Variants in VMP1 observed in about 807,000 individuals in gnomAD.
The protein encoded by VMP1 is vacuole membrane protein 1, also known as ectopic P-granules autophagy protein 3 homolog.
In VMP1, 11 loss-of-function variants were observed where a neutral mutation model predicts 56.0. The observed-to-expected ratio is 0.20, with a 90% CI of 0.12 to 0.32. The LOEUF is 0.32. VMP1 is among the 10% of genes least tolerant of loss of function. The pLI is 1.00. For missense variants in VMP1, 296 were observed against 490.3 expected, an observed-to-expected ratio of 0.60 and a Z score of 3.74; for synonymous variants, 149 against 165.0, an observed-to-expected ratio of 0.90 and a Z score of 0.74.
At chr17:59,762,885 A>T (rs1166930554) in intron 5 of VMP1, among the ~76,000 whole-genome samples, 1 of 152,208 alleles carries the variant, frequency 6.6e-6, no homozygotes, top group Non-Finnish European at 1.5e-5. Context: ...CTGTTAGGAT[A>T]CATTTTTTAT....
chr17:59,735,678 A>G (rs1248578470), intron 3 of VMP1: 4 of 547,442 alleles, frequency 7.3e-6, no homozygotes, highest in Non-Finnish European at 1.3e-5. Context: ...CTGTTTGCTT[A>G]CTGGATTATC....
chr17:59,794,094 G>A (rs2037341144), intron 7 of VMP1, among the ~76,000 whole-genome samples: 1 of 147,078 alleles, frequency 6.8e-6, no homozygotes, highest in South Asian at 2.2e-4. Flanking sequence ...CTAATTTTTT[G>A]TATTTTTAGT....
chr17:59,803,876 A>G (rs1481300494), intron 7 of VMP1, among the ~76,000 whole-genome samples: 1 of 152,080 alleles, frequency 6.6e-6, no homozygotes, highest in Non-Finnish European at 1.5e-5. Context: ...ATTTGTACTC[A>G]GCTTTTTTAT....
At chr17:59,742,531 T>TAATAATAATAATAAA (rs2143855246) in intron 5 of VMP1, among the ~76,000 whole-genome samples, 1 of 147,922 alleles carries the variant, frequency 6.8e-6, no homozygotes, top group South Asian at 2.1e-4. Flanking sequence ...ACAATAATAA[T>TAATAATAATAATAAA]AATAATAATA....
At chr17:59,744,397 G>A (rs1259277005) in intron 5 of VMP1, among the ~76,000 whole-genome samples, 1 of 149,948 alleles carries the variant, frequency 6.7e-6, no homozygotes, top group African/African-American at 2.5e-5. Context: ...AGGAGGTGGA[G>A]GTTGCAGTGA....
chr17:59,737,414 G>C, intron 3 of VMP1, 39 bp from the exon 4 acceptor site: 1 of 1,578,094 alleles, frequency 6.3e-7, no homozygotes, highest in Non-Finnish European at 8.6e-7. Context: ...TGCTGAAAGT[G>C]AGACTGTGAG....
chr17:59,809,107 C>T (rs1276691355), intron 8 of VMP1, among the ~76,000 whole-genome samples: 2 of 150,938 alleles, frequency 1.3e-5, no homozygotes, highest in Non-Finnish European at 2.9e-5. Context: ...TCAAGCAATT[C>T]TCCTGTCTCA....
intron 7 of VMP1, among the ~76,000 whole-genome samples, chr17:59,784,416 C>T (rs1009478282): frequency 1.3e-5 from 2 of 152,002 alleles, no homozygotes; most frequent in Non-Finnish European, 2.9e-5. Context: ...CCTTCCTACC[C>T]CTACCTCACC....
chr17:59,841,090 C>T lies in VMP1; in HGVS notation c.*1179C>T. The T allele has an allele frequency of 2.3e-5, 4 of 172,406 alleles. No homozygotes were observed. Among genetic ancestry groups the T allele is most frequent in the Admixed American group, 6.1e-5 (1 of 16,370 alleles). 10.7% of individuals were successfully genotyped at this position (172,406 alleles called of 1,614,324 possible). A position where few individuals can be genotyped will look rare whatever the true frequency, so the allele number is the denominator to read the frequency against. On this transcript the variant is annotated 3_prime_UTR_variant, in exon 12 of 12. Coordinates refer to ENST00000262291, the MANE Select transcript of VMP1 (RefSeq NM_030938.5). ...GAAAATAAACAATTTTACTTTTTTCCTTTAGGAGCATTATGAGCATTATGT... is the reference window on the plus strand; with the variant it reads ...GAAAATAAACAATTTTACTTTTTTCTTTTAGGAGCATTATGAGCATTATGT...
chr17:59,765,605 T>G (rs962012199), intron 6 of VMP1, among the ~76,000 whole-genome samples: 1 of 152,124 alleles, frequency 6.6e-6, no homozygotes, highest in South Asian at 2.1e-4. Context: ...AAGAAAATTA[T>G]AAGGGAAAGG....
At chr17:59,751,134 G>A (rs771309838) in intron 5 of VMP1, among the ~76,000 whole-genome samples, 15 of 151,810 alleles carry the variant, frequency 9.9e-5, no homozygotes, top group South Asian at 2.1e-4. Context: ...GGGTTTCACC[G>A]TGTTAGCCAG....
chr17:59,813,750 G>T (rs780027440), intron 9 of VMP1, among the ~76,000 whole-genome samples: 14 of 152,062 alleles, frequency 9.2e-5, no homozygotes, highest in Admixed American at 2.6e-4. Flanking sequence ...AAAAATAACA[G>T]ATTATTTTAT....
chr17:59,835,512 C>G (rs1397989298), intron 10 of VMP1, among the ~76,000 whole-genome samples: 1 of 144,318 alleles, frequency 6.9e-6, no homozygotes, highest in Non-Finnish European at 1.5e-5. Context: ...TTTTTTGAGA[C>G]AGAGTTTCAC....
At chr17:59,747,981 G>T (rs1215028472) in intron 5 of VMP1, among the ~76,000 whole-genome samples, 1 of 151,734 alleles carries the variant, frequency 6.6e-6, no homozygotes, top group African/African-American at 2.4e-5. Context: ...CGGATCACGA[G>T]GTCAGAAGAT....
Position 59,832,285 on chromosome 17 carries a change from C to CATG in VMP1, c.975-6010_975-6009insATG, listed in dbSNP as rs2038834221. 2.0e-5 allele frequency among the ~76,000 whole-genome samples: 3 copies of CATG among 149,956 alleles called. No homozygotes were observed. In the Admixed American group the frequency reaches 2.0e-4, roughly 10 times the overall value. On this transcript the variant is annotated intron_variant, in intron 10 of 11. Coordinates refer to ENST00000262291, the MANE Select transcript of VMP1 (RefSeq NM_030938.5). ...TCAAGCAATTCTCATGCCTCAGCCT[C>CATG]CCGAGTAGCTGGGACTACAGGCACG...
intron 7 of VMP1, among the ~76,000 whole-genome samples, chr17:59,788,558 C>CT (rs139257363): frequency 0.037 from 5,602 of 151,964 alleles, 371 homozygotes; most frequent in African/African-American, 0.13. Context: ...AATCCCAGCA[C>CT]TTTGGGAGGC....
At position 59,838,582 on chromosome 17, in the gene VMP1, C is replaced by T. The variant is rs959263480; in HGVS notation, c.1077+185C>T. The T allele has an allele frequency of 1.8e-5, 11 of 595,022 alleles. No individual in the cohort carries two copies. In the African/African-American group the frequency reaches 1.9e-4, roughly 10 times the overall value. The allele number at this position is 595,022 out of a possible 1,614,324, so 36.9% of individuals were successfully genotyped here. ...CTTTGTCTTAGACTAGAAAGTGTAA[C>T]TTCTGTACATCTTCTCCTAAAAACA... On this transcript the variant is annotated intron_variant, in intron 11 of 11. Transcript: ENST00000262291.
chr17:59,746,576 C>T (rs1211418398), intron 5 of VMP1, among the ~76,000 whole-genome samples: 1 of 152,136 alleles, frequency 6.6e-6, no homozygotes, highest in Non-Finnish European at 1.5e-5. Context: ...TTTATTTGAT[C>T]ATTAAATTTA....
At chr17:59,743,483 C>T (rs932218324) in intron 5 of VMP1, among the ~76,000 whole-genome samples, 12 of 151,776 alleles carry the variant, frequency 7.9e-5, no homozygotes, top group African/African-American at 2.9e-4. Context: ...TATGGATGTA[C>T]CACCCGTTTG....
Sources: allele counts gnomAD v4.1 joint callset (sites outside exome capture counted in the v4.1 genomes callset), GRCh38; gene constraint gnomAD v4.1.1; transcripts MANE v1.5; gene names NCBI Gene and HGNC (gene_info 2026-07-23, HGNC 2026-07-21).